Variants in AOPEP observed in about 807,000 individuals in gnomAD.
The protein encoded by AOPEP is aminopeptidase O.
In AOPEP, 77 loss-of-function variants were observed where a neutral mutation model predicts 98.1. That is an observed-to-expected ratio of 0.78 (90% CI 0.65 to 0.95). The LOEUF is 0.95. AOPEP is among the 40% of genes least tolerant of loss of function. The probability of loss-of-function intolerance (pLI) is 0.00; values close to 1 mark genes in which losing one functional copy is unlikely to be tolerated. For synonymous variants in AOPEP, 346 were observed against 365.3 expected (o/e 0.95, Z 0.60); for missense variants, 1,024 against 1,024.7 (o/e 1.00, Z 0.01).
chr9:94,943,937 A>AAC (rs1564424155), intron 7 of AOPEP, among the ~76,000 whole-genome samples: 4,592 of 149,964 alleles, frequency 0.031, 334 homozygotes, highest in African/African-American at 0.11. Flanking sequence ...AAAAAAAAAA[A>AAC]AAAAAAAAAA....
chr9:94,804,533 A>G (rs890354285), intron 5 of AOPEP, among the ~76,000 whole-genome samples: 2 of 152,128 alleles, frequency 1.3e-5, no homozygotes, highest in East Asian at 1.9e-4. Context: ...AATTGAGGGG[A>G]AAAAAATGAC....
intron 5 of AOPEP, among the ~76,000 whole-genome samples, chr9:94,882,300 CT>C (rs2047678907): frequency 6.6e-6 from 1 of 152,152 alleles, no homozygotes; most frequent in East Asian, 1.9e-4. Context: ...TGTTCTTAGT[CT>C]GTTGTTTAAA....
At chr9:94,825,381 C>T (rs951767013) in intron 5 of AOPEP, among the ~76,000 whole-genome samples, 1 of 152,216 alleles carries the variant, frequency 6.6e-6, no homozygotes, top group African/African-American at 2.4e-5. Context: ...TCGAAGGCAT[C>T]TCCAGGGAGA....
At chr9:94,753,767 G>C (rs966435793) in intron 1 of AOPEP, among the ~76,000 whole-genome samples, 1 of 152,194 alleles carries the variant, frequency 6.6e-6, no homozygotes, top group Non-Finnish European at 1.5e-5. Flanking sequence ...GGATTGAAAA[G>C]ATGTGCCGGG....
chr9:95,032,156 C>G (rs1027547514), intron 13 of AOPEP, among the ~76,000 whole-genome samples: 5 of 152,220 alleles, frequency 3.3e-5, no homozygotes, highest in African/African-American at 1.2e-4. Context: ...CACACTTTAT[C>G]GTGTGTGTCT....
chr9:94,822,460 C>T (rs541175795), intron 5 of AOPEP, among the ~76,000 whole-genome samples: 25 of 152,352 alleles, frequency 1.6e-4, no homozygotes, highest in South Asian at 1.2e-3. Flanking sequence ...CCTCCCTGCA[C>T]AGCCTAATTC....
chr9:94,928,704 G>A (rs767085215), intron 7 of AOPEP, 173 bp downstream of exon 7: 12 of 538,938 alleles, frequency 2.2e-5, no homozygotes, highest in East Asian at 3.4e-5. Context: ...CATGCGTTTC[G>A]ATTTGCCTTC....
intron 6 of AOPEP, among the ~76,000 whole-genome samples, chr9:94,927,432 G>A (rs2054520412): frequency 6.6e-6 from 1 of 152,200 alleles, no homozygotes; most frequent in Non-Finnish European, 1.5e-5. Context: ...CAGAATGGTA[G>A]TCTGCTCCAG....
intron 5 of AOPEP, among the ~76,000 whole-genome samples, chr9:94,885,198 A>T (rs1028205955): frequency 4.0e-5 from 6 of 151,242 alleles, no homozygotes; most frequent in Admixed American, 6.6e-5. Context: ...AACATACAAA[A>T]ATTAGCCAGG....
chr9:95,012,986 TTG>T (rs1491557155), intron 13 of AOPEP, among the ~76,000 whole-genome samples: 1 of 91,734 alleles, frequency 1.1e-5, no homozygotes, highest in African/African-American at 3.7e-5. Flanking sequence ...TGTTTTTTTT[TTG>T]GGGGGGGGGG....
At chr9:94,914,499 A>G (rs1803629254) in intron 5 of AOPEP, among the ~76,000 whole-genome samples, 1 of 150,236 alleles carries the variant, frequency 6.7e-6, no homozygotes, top group South Asian at 2.1e-4. Context: ...AGGAAATGAT[A>G]AAATATTGCC....
chr9:94,870,094 T>G (rs556522566), intron 5 of AOPEP, among the ~76,000 whole-genome samples: 1 of 150,812 alleles, frequency 6.6e-6, no homozygotes, highest in African/African-American at 2.4e-5. Flanking sequence ...GTTCAAGCGA[T>G]TCTCCTGCCT....
At chr9:94,952,432 A>G (rs1237837683) in intron 7 of AOPEP, among the ~76,000 whole-genome samples, 1 of 151,872 alleles carries the variant, frequency 6.6e-6, no homozygotes, top group East Asian at 1.9e-4. Context: ...GTCTGTCAAC[A>G]CTCCCTCCCA....
At chr9:94,968,561 G>C (rs562288356) in intron 10 of AOPEP, among the ~76,000 whole-genome samples, 150 of 152,218 alleles carry the variant, frequency 9.9e-4, no homozygotes, top group Middle Eastern at 3.4e-3. Flanking sequence ...ATTTTTAGTA[G>C]AGTTGGGGTT....
chr9:94,820,124 C>G (rs1158151744), intron 5 of AOPEP, among the ~76,000 whole-genome samples: 1 of 151,612 alleles, frequency 6.6e-6, no homozygotes, highest in Non-Finnish European at 1.5e-5. Context: ...TTTTGTATTT[C>G]TAGTAGAGAT....
intron 13 of AOPEP, among the ~76,000 whole-genome samples, chr9:95,058,578 G>A (rs1386679838): frequency 2.0e-5 from 3 of 152,142 alleles, no homozygotes; most frequent in East Asian, 1.9e-4. Flanking sequence ...TGTTGTCCTC[G>A]GACTGTCTGT....
intron 6 of AOPEP, among the ~76,000 whole-genome samples, chr9:94,925,170 T>G (rs1373483410): frequency 6.6e-6 from 1 of 152,222 alleles, no homozygotes; most frequent in Non-Finnish European, 1.5e-5. Context: ...TTTTGTATTT[T>G]TAGTAGACGG....
At chr9:94,826,629 T>C (rs1383487414) in intron 5 of AOPEP, among the ~76,000 whole-genome samples, 1 of 152,246 alleles carries the variant, frequency 6.6e-6, no homozygotes, top group Non-Finnish European at 1.5e-5. Flanking sequence ...TAAAACTTCA[T>C]GCTAGACAGA....
chr9:94,837,585 T>G (rs1564227024), intron 5 of AOPEP, among the ~76,000 whole-genome samples: 1 of 152,216 alleles, frequency 6.6e-6, no homozygotes, highest in Non-Finnish European at 1.5e-5. Flanking sequence ...TTCATACCAG[T>G]AATGCAAGGA....
Sources: gnomAD v4.1 joint callset for allele counts (sites outside exome capture counted in the v4.1 genomes callset) on GRCh38, gnomAD v4.1.1 for gene constraint, MANE v1.5 for transcripts, NCBI Gene and HGNC (gene_info 2026-07-23, HGNC 2026-07-21) for gene names.